Variants in ZNF438 observed in about 807,000 individuals in gnomAD.
The protein encoded by ZNF438 is zinc finger protein 438.
Under a neutral mutation model 38.0 loss-of-function variants are expected in ZNF438, and 25 were observed. That is an observed-to-expected ratio of 0.66 (90% CI 0.48 to 0.92). The LOEUF (loss-of-function observed/expected upper bound fraction) is 0.92, where lower values mean the gene tolerates loss of function less well. ZNF438 is among the 40% of genes least tolerant of loss of function. The probability of loss-of-function intolerance (pLI) is 0.00; values close to 1 mark genes in which losing one functional copy is unlikely to be tolerated. For synonymous variants in ZNF438, 372 were observed against 364.1 expected (o/e 1.02, Z -0.25); for missense variants, 1,007 against 999.6 (o/e 1.01, Z -0.10).
intron 2 of ZNF438, among the ~76,000 whole-genome samples, chr10:30,925,108 T>C (rs191673308): frequency 7.5e-4 from 114 of 152,342 alleles, no homozygotes; most frequent in Admixed American, 2.0e-3. Flanking sequence ...GCTTTCTATA[T>C]AGACAATTAA....
intron 1 of ZNF438, among the ~76,000 whole-genome samples, chr10:30,948,054 G>C (rs551513522): frequency 5.0e-4 from 76 of 152,258 alleles, no homozygotes; most frequent in South Asian, 1.0e-3. Flanking sequence ...GGAGATCTCA[G>C]TACGGGCAGA....
At chr10:30,971,798 A>G (rs1466876026) in intron 1 of ZNF438, among the ~76,000 whole-genome samples, 1 of 152,068 alleles carries the variant, frequency 6.6e-6, no homozygotes, top group Non-Finnish European at 1.5e-5. Context: ...ACCCCCCAAC[A>G]ATTTTATTAG....
At chr10:30,850,492 GGCAAAATCTTGTGTCCCTCAA>G in intron 4 of ZNF438, 125 bp from the exon 6 acceptor site, 8 of 1,107,552 alleles carry the variant, frequency 7.2e-6, no homozygotes, top group Middle Eastern at 2.9e-4. Context: ...AAGCCTTCTG[GGCAAAATCTTGTGTCCCTCAA>G]GACCAGCTTG....
intron 1 of ZNF438, among the ~76,000 whole-genome samples, chr10:31,007,509 T>C (rs904380100): frequency 6.6e-6 from 1 of 152,286 alleles, no homozygotes; most frequent in Non-Finnish European, 1.5e-5. Flanking sequence ...CTCCATCTCC[T>C]GACCTCGTGA....
chr10:30,905,174 T>A (rs760893745), intron 3 of ZNF438, among the ~76,000 whole-genome samples: 1 of 152,206 alleles, frequency 6.6e-6, no homozygotes, highest in Non-Finnish European at 1.5e-5. Flanking sequence ...TAACTCTATG[T>A]TTAACCTTTT....
chr10:30,950,491 T>G (rs367828532), intron 1 of ZNF438, among the ~76,000 whole-genome samples: 1 of 151,218 alleles, frequency 6.6e-6, no homozygotes, highest in Non-Finnish European at 1.5e-5. Flanking sequence ...ACAAAATTGA[T>G]AGACTGCTAG....
intron 1 of ZNF438, among the ~76,000 whole-genome samples, chr10:30,947,540 T>C (rs1279197660): frequency 6.6e-6 from 1 of 152,264 alleles, no homozygotes; most frequent in Non-Finnish European, 1.5e-5. Context: ...CCTTGAGCTG[T>C]GGTGGGCTCC....
chr10:30,947,200 C>A (rs376244372), intron 1 of ZNF438, among the ~76,000 whole-genome samples: 3 of 152,152 alleles, frequency 2.0e-5, no homozygotes, highest in Admixed American at 2.0e-4. Flanking sequence ...AGCTCATTCT[C>A]GAGTTGAAGG....
intron 3 of ZNF438, among the ~76,000 whole-genome samples, chr10:30,891,576 C>A (rs1447087241): frequency 6.6e-6 from 1 of 152,104 alleles, no homozygotes; most frequent in African/African-American, 2.4e-5. Flanking sequence ...TTGTCCTAGT[C>A]TCTTGAATTT....
chr10:30,999,184 T>C (rs961779280), intron 1 of ZNF438, among the ~76,000 whole-genome samples: 1 of 152,252 alleles, frequency 6.6e-6, no homozygotes, highest in Non-Finnish European at 1.5e-5. Context: ...CTATGAGTCA[T>C]GTCATTACTA....
chr10:30,987,829 C>G (rs2053017965), intron 1 of ZNF438, among the ~76,000 whole-genome samples: 1 of 152,168 alleles, frequency 6.6e-6, no homozygotes, highest in Non-Finnish European at 1.5e-5. Context: ...ACTTTCCAGC[C>G]TTCCGAACCG....
chr10:31,028,074 C>A (rs898049116), intron 1 of ZNF438, among the ~76,000 whole-genome samples: 8 of 151,850 alleles, frequency 5.3e-5, no homozygotes, highest in Non-Finnish European at 8.8e-5. Flanking sequence ...CTACAATGAT[C>A]CAGCTATACG....
At chr10:31,003,063 G>A (rs1690630) in intron 1 of ZNF438, among the ~76,000 whole-genome samples, 113,780 of 151,978 alleles carry the variant, frequency 0.75, 43,224 homozygotes, top group African/African-American at 0.83. Context: ...AGGTGAACAC[G>A]TCTGACTCCC....
At chr10:30,871,091 C>T (rs1008040064) in intron 4 of ZNF438, among the ~76,000 whole-genome samples, 4 of 152,106 alleles carry the variant, frequency 2.6e-5, no homozygotes, top group Admixed American at 1.3e-4. Flanking sequence ...AGTGAAACTA[C>T]GATTAGATAA....
intron 1 of ZNF438, among the ~76,000 whole-genome samples, chr10:30,966,549 A>T (rs1391038091): frequency 6.6e-6 from 1 of 151,732 alleles, no homozygotes; most frequent in Non-Finnish European, 1.5e-5. Flanking sequence ...ACGCACCTGT[A>T]GTCTCAGCTA....
rs73252688 is a variant in ZNF438, at chr10:30,973,535, T to C, written c.-191-31884A>G. ...TTTTTAAATTCAAGTTTCTAATTTA[T>C]TTTGAATTTTATTTGCATTTATTCA... On this transcript the variant is annotated intron_variant, in intron 1 of 5. Coordinates refer to ENST00000413025, the Ensembl canonical transcript of ZNF438. 6.7e-3 allele frequency among the ~76,000 whole-genome samples: 1,021 copies of C among 152,392 alleles called. 16 individuals are homozygous for C. Among genetic ancestry groups the C allele is most frequent in the African/African-American group, 0.023 (954 of 41,592 alleles).
At chr10:30,966,669 CAA>C (rs11445638) in intron 1 of ZNF438, among the ~76,000 whole-genome samples, 10 of 129,844 alleles carry the variant, frequency 7.7e-5, no homozygotes, top group African/African-American at 8.6e-5. Context: ...GACTCCATCT[CAA>C]AAAAAAAAAA....
Position 30,899,175 on chromosome 10 carries a change from T to C in ZNF438, c.-32+9758A>G, listed in dbSNP as rs1183250714. ...CTGTCACATTCTTAGCTTCAGGACC[T>C]TGGACAAAGTCTTTCAAAAATATTT... is the stretch of plus-strand genomic sequence containing the variant. On this transcript the variant is annotated intron_variant, in intron 3 of 5. Transcript: ENST00000413025. 2.0e-5 allele frequency among the ~76,000 whole-genome samples: 3 copies of C among 152,166 alleles called. No homozygotes were observed. The East Asian group carries it at 5.8e-4, about 29-fold the overall frequency.
intron 1 of ZNF438, among the ~76,000 whole-genome samples, chr10:30,966,029 C>CTCAT (rs1439678550): frequency 1.3e-5 from 2 of 152,188 alleles, no homozygotes; most frequent in East Asian, 1.9e-4. Context: ...ATCTGGCAGT[C>CTCAT]TCATTCATTC....
Sources: gnomAD v4.1 joint callset for allele counts (sites outside exome capture counted in the v4.1 genomes callset) on GRCh38, gnomAD v4.1.1 for gene constraint, MANE v1.5 for transcripts, NCBI Gene and HGNC (gene_info 2026-07-23, HGNC 2026-07-21) for gene names.